Variants in PTPRE observed in about 807,000 individuals in gnomAD.
PTPRE encodes the protein protein tyrosine phosphatase receptor type E.
PTPRE carries 51 observed loss-of-function variants against 102.0 expected under a neutral mutation model. The observed-to-expected ratio is 0.50, with a 90% CI of 0.40 to 0.63. The LOEUF is 0.63. PTPRE is among the 30% of genes least tolerant of loss of function. The probability of loss-of-function intolerance (pLI) is 0.00; values close to 1 mark genes in which losing one functional copy is unlikely to be tolerated. For missense variants in PTPRE, 752 were observed against 915.1 expected (o/e 0.82, Z 2.30); for synonymous variants, 345 against 348.2 (o/e 0.99, Z 0.10).
At chr10:128,049,377 C>T (rs563947639) in intron 5 of PTPRE, among the ~76,000 whole-genome samples, 153 bp from the exon 6 acceptor site, 3 of 152,124 alleles carry the variant, frequency 2.0e-5, no homozygotes, top group African/African-American at 7.2e-5. Context: ...TACAGCTGCT[C>T]GGGACCCGGC....
chr10:127,966,405 A>G (rs780194689), intron 1 of PTPRE, among the ~76,000 whole-genome samples: 3 of 152,184 alleles, frequency 2.0e-5, no homozygotes, highest in Non-Finnish European at 4.4e-5. Flanking sequence ...CAAAATACAC[A>G]TAGAGGGAAA....
intron 9 of PTPRE, chr10:128,062,781 T>C (rs1417337475): frequency 5.5e-6 from 2 of 360,534 alleles, no homozygotes; most frequent in African/African-American, 4.1e-5. Flanking sequence ...TCACCAGCTC[T>C]CCCACACTTG....
Position 128,066,189 on chromosome 10 carries a change from C to G in PTPRE, c.838C>G (p.Gln280Glu). 1 of 1,613,888 alleles carries G rather than the reference C, an allele frequency of 6.2e-7. No individual in the cohort carries two copies. Among genetic ancestry groups the G allele is most frequent in the Non-Finnish European group, 8.5e-7 (1 of 1,179,752 alleles). The change falls in exon 11 of 21, where the codon CAG becomes GAG. Residue 280 changes from glutamine to glutamate, a missense_variant. Coordinates refer to ENST00000254667, the MANE Select transcript of PTPRE (RefSeq NM_006504.6). The part of the protein sequence containing the change: ...VDYTIRKFCI[Q>E]PQLPDGCKAP... ...CTACACCATCCGGAAGTTCTGCATA[C>G]AGCCAGTAAGCATCTCTAGTTGCTG...
intron 1 of PTPRE, among the ~76,000 whole-genome samples, chr10:127,930,885 C>T (rs889791405): frequency 4.0e-5 from 6 of 151,788 alleles, no homozygotes; most frequent in East Asian, 3.9e-4. Flanking sequence ...TTCAGCCTCC[C>T]GGATTCAAGC....
At chr10:128,001,782 A>G (rs11016006) in intron 2 of PTPRE, among the ~76,000 whole-genome samples, 13,486 of 152,214 alleles carry the variant, frequency 0.089, 810 homozygotes, top group Non-Finnish European at 0.13. Context: ...GGAAACCAGG[A>G]TGCTGTGGAA....
At chr10:127,991,096 C>A (rs61693258) in intron 2 of PTPRE, among the ~76,000 whole-genome samples, 1,874 of 152,254 alleles carry the variant, frequency 0.012, 57 homozygotes, top group African/African-American at 0.043. Context: ...CCATGGAAAC[C>A]CTCGATATCA....
intron 9 of PTPRE, 112 bp downstream of exon 9, chr10:128,061,827 T>G (rs1349340028): frequency 3.9e-6 from 5 of 1,297,474 alleles, no homozygotes; most frequent in Non-Finnish European, 4.2e-6. Flanking sequence ...GTGTGTGTGT[T>G]TACACCTAAC....
intron 2 of PTPRE, among the ~76,000 whole-genome samples, chr10:128,030,342 G>A (rs569740535): frequency 6.6e-6 from 1 of 152,336 alleles, no homozygotes; most frequent in Non-Finnish European, 1.5e-5. Flanking sequence ...TGGGAAGCAG[G>A]CGCAGAGAGG....
rs1590224007 is a variant in PTPRE at position 128,070,766 on chromosome 10, G to A, written c.1294-42G>A. 1 of 1,583,598 alleles carries A rather than the reference G, an allele frequency of 6.3e-7. No homozygotes were observed. The highest frequency in any genetic ancestry group is 1.3e-5 in the African/African-American group (1 of 74,286). On this transcript the variant is annotated intron_variant, in intron 14 of 20. Coordinates refer to ENST00000254667, the MANE Select transcript of PTPRE (RefSeq NM_006504.6). This position sits in a 1 kb window ranked among gnomAD's most constrained non-coding sequence, Gnocchi z 4.8. Reference sequence around the variant, plus strand: ...TCGGCTGAGCAATGTGCTCAGGAGTGTCAGAGGTTTAACTGTGTCATTATA... The same window carrying A: ...TCGGCTGAGCAATGTGCTCAGGAGTATCAGAGGTTTAACTGTGTCATTATA...
chr10:128,025,653 C>G (rs1028626828), intron 2 of PTPRE, among the ~76,000 whole-genome samples: 1 of 152,152 alleles, frequency 6.6e-6, no homozygotes, highest in Admixed American at 6.5e-5. Context: ...TTCATCCCCC[C>G]AGGAACTCCC....
intron 2 of PTPRE, among the ~76,000 whole-genome samples, chr10:128,030,116 C>T (rs1846607258): frequency 6.6e-6 from 1 of 152,236 alleles, no homozygotes; most frequent in Non-Finnish European, 1.5e-5. Context: ...TCCCTCACCC[C>T]TCCGAGGCCT....
intron 6 of PTPRE, among the ~76,000 whole-genome samples, chr10:128,052,026 T>C (rs553736420): frequency 6.6e-6 from 1 of 152,098 alleles, no homozygotes; most frequent in Admixed American, 6.6e-5. Context: ...CCATGCCCAC[T>C]GGCTTTTTTA....
At chr10:128,040,046 G>T (rs1847545808) in intron 2 of PTPRE, among the ~76,000 whole-genome samples, 1 of 152,168 alleles carries the variant, frequency 6.6e-6, no homozygotes, top group Non-Finnish European at 1.5e-5. Flanking sequence ...ATCTGGGTCT[G>T]CCCCTGGGCA....
rs551918092 is a variant in PTPRE, at chr10:127,980,461, A to G, written c.-30-1813A>G. ...AGACTATTATGTCATTTGAGAATAAAGTTTTATTTTTTTCTTTTCAATGCT... is the reference window on the plus strand; with the variant it reads ...AGACTATTATGTCATTTGAGAATAAGGTTTTATTTTTTTCTTTTCAATGCT... On this transcript the variant is annotated intron_variant, in intron 1 of 20. Transcript: ENST00000254667. 2.6e-5 allele frequency among the ~76,000 whole-genome samples: 4 copies of G among 152,110 alleles called. No homozygotes were observed. In the South Asian group the frequency reaches 8.3e-4, roughly 32 times the overall value.
chr10:127,930,413 C>T (rs765585618), intron 1 of PTPRE, among the ~76,000 whole-genome samples: 4 of 152,206 alleles, frequency 2.6e-5, no homozygotes, highest in African/African-American at 4.8e-5. Flanking sequence ...ACTTAGCACA[C>T]GGATTTAAGA....
chr10:127,929,947 C>T (rs1252908397), intron 1 of PTPRE, among the ~76,000 whole-genome samples: 2 of 150,516 alleles, frequency 1.3e-5, no homozygotes, highest in Non-Finnish European at 2.9e-5. Flanking sequence ...ATCCCAGCTA[C>T]TTGGGAGGCT....
At chr10:128,025,842 G>A (rs1243150612) in intron 2 of PTPRE, among the ~76,000 whole-genome samples, 1 of 152,218 alleles carries the variant, frequency 6.6e-6, no homozygotes, top group East Asian at 1.9e-4. Flanking sequence ...GGCACTGTCT[G>A]TTCCCCAGGG....
chr10:127,923,398 A>ATTTTTTTTTTTTTTTTTT (rs35994733), intron 1 of PTPRE, among the ~76,000 whole-genome samples: 1 of 106,926 alleles, frequency 9.4e-6, no homozygotes. Context: ...ACCAGTTTGA[A>ATTTTTTTTTTTTTTTTTT]TTTTTTTTTT....
chr10:128,061,627 T>A, intron 8 of PTPRE, 52 bp from the exon 9 acceptor site: 1 of 1,556,892 alleles, frequency 6.4e-7, no homozygotes, highest in Middle Eastern at 1.7e-4. Flanking sequence ...CAACAAATCC[T>A]TTCAGCAAAG....
Sources: allele counts gnomAD v4.1 joint callset (sites outside exome capture counted in the v4.1 genomes callset), GRCh38; gene constraint gnomAD v4.1.1; non-coding constraint Gnocchi (gnomAD v3.1); transcripts MANE v1.5; gene names NCBI Gene and HGNC (gene_info 2026-07-23, HGNC 2026-07-21).